The following MAPK9 variants were observed in gnomAD, a reference collection of about 807,000 sequenced individuals.
The protein encoded by MAPK9 is Jun kinase.
Under a neutral mutation model 57.1 loss-of-function variants are expected in MAPK9, and 30 were observed. The ratio of observed to expected loss-of-function variants is 0.53; its 90% CI spans 0.39 to 0.71. The LOEUF (loss-of-function observed/expected upper bound fraction) is 0.71, where lower values mean the gene tolerates loss of function less well. Ranked by LOEUF, MAPK9 falls within the 30% of genes least tolerant of loss-of-function variation. The pLI is 0.00. For missense variants in MAPK9, 362 were observed against 521.0 expected, an observed-to-expected ratio of 0.69 and a Z score of 2.97; for synonymous variants, 155 against 177.0, an observed-to-expected ratio of 0.88 and a Z score of 0.99.
At chr5:180,269,193 G>C in intron 3 of MAPK9, 87 bp downstream of exon 3, 1 of 1,384,820 alleles carries the variant, frequency 7.2e-7, no homozygotes, top group Non-Finnish European at 1.0e-6. Context: ...TCCTAGGTCT[G>C]AACTCAATGT....
chr5:180,238,394 T>C lies in MAPK9; in HGVS notation c.1070A>G (p.Tyr357Cys). 1 of 1,607,500 alleles carries C rather than the reference T, an allele frequency of 6.2e-7. No individual in the cohort carries two copies. The highest frequency in any genetic ancestry group is 8.5e-7 in the Non-Finnish European group (1 of 1,174,214). ...TTCTTCCCAATCCATGACTTCTTTG[T>C]AAATTAGCTCTTTAATAAAAATACA... The part of the protein sequence containing the change: ...HAIEEWKELI[Y>C]KEVMDWEERS... Residue 357 changes from tyrosine to cysteine, a missense_variant, in exon 11 of 12, where the codon TAC (tyrosine) becomes TGC (cysteine). Physicochemically the swap from Tyr to Cys is radical, Grantham distance 194. This residue lies in a region of MAPK9 where 199 missense variants were observed against 251.3 expected (regional missense o/e 0.79). Coordinates refer to ENST00000452135, the MANE Select transcript of MAPK9 (RefSeq NM_002752.5).
rs147914593 is a variant in MAPK9, at chr5:180,255,559, C to T, written c.450+6125G>A. On this transcript the variant is annotated intron_variant, in intron 5 of 11. Transcript: ENST00000452135. ...ACCACCAAGAACACAGAAACTACCC[C>T]CCAAAACAAACAAAAACCTCACACA... 2.7e-3 allele frequency among the ~76,000 whole-genome samples: 410 copies of T among 151,958 alleles called. 2 individuals are homozygous for T. The highest frequency in any genetic ancestry group is 6.8e-3 in the Middle Eastern group (2 of 292).
At chr5:180,289,937 G>T (rs1040052910) in intron 1 of MAPK9, among the ~76,000 whole-genome samples, 1 of 152,140 alleles carries the variant, frequency 6.6e-6, no homozygotes, top group African/African-American at 2.4e-5. Context: ...CTCACTGCAG[G>T]CTCCAAATCC....
intron 1 of MAPK9, among the ~76,000 whole-genome samples, chr5:180,285,091 G>C (rs901445979): frequency 1.3e-5 from 2 of 152,206 alleles, no homozygotes; most frequent in South Asian, 2.1e-4. Flanking sequence ...CACTTGTATG[G>C]AAGACGGGCT....
intron 7 of MAPK9, among the ~76,000 whole-genome samples, chr5:180,244,542 G>A (rs1045192821): frequency 5.9e-5 from 9 of 152,032 alleles, no homozygotes; most frequent in Non-Finnish European, 2.9e-5. Flanking sequence ...TTGGGAGGCC[G>A]AGGCAGGTGG....
At chr5:180,272,377 G>C (rs147567723) in intron 2 of MAPK9, among the ~76,000 whole-genome samples, 14 of 152,326 alleles carry the variant, frequency 9.2e-5, no homozygotes, top group African/African-American at 3.4e-4. Context: ...ACTGAGTGCT[G>C]ACAGTGAGGA....
chr5:180,287,107 A>T (rs1762836518), intron 1 of MAPK9: 1 of 152,236 alleles, frequency 6.6e-6, no homozygotes, highest in South Asian at 2.1e-4. Context: ...CTAGATTAGT[A>T]CTTGCCAGCA....
At chr5:180,286,713 C>T (rs1307417630) in intron 1 of MAPK9, among the ~76,000 whole-genome samples, 3 of 148,202 alleles carry the variant, frequency 2.0e-5, no homozygotes, top group Non-Finnish European at 4.4e-5. Context: ...TGGGTAAGGG[C>T]TTCTCGTGGC....
Position 180,244,767 on chromosome 5 carries a change from C to CTT in MAPK9, c.689-2013_689-2012insAA, listed in dbSNP as rs1757945971. Among the ~76,000 whole-genome samples the CTT allele has an allele frequency of 3.0e-5, 4 of 133,948 alleles. No individual in the cohort carries two copies. The South Asian group carries it at 1.0e-3, about 33-fold the overall frequency. The allele number at this position is 133,948 out of a possible 152,430, so 87.9% of individuals were successfully genotyped here. On this transcript the variant is annotated intron_variant, in intron 7 of 11. Transcript: ENST00000452135. Reference sequence around the variant, plus strand: ...CCAGCCTGGGCAATGGAGTGAGACTCTGTCTCAAAGGAAAAAAAAAAAAAA... The same window carrying CTT: ...CCAGCCTGGGCAATGGAGTGAGACTCTTTGTCTCAAAGGAAAAAAAAAAAAAA...
intron 5 of MAPK9, among the ~76,000 whole-genome samples, chr5:180,261,233 T>C (rs577531559): frequency 2.0e-5 from 3 of 152,188 alleles, no homozygotes; most frequent in Non-Finnish European, 4.4e-5. Context: ...TGTGGGTCAT[T>C]ATTTAAGAAA....
intron 3 of MAPK9, among the ~76,000 whole-genome samples, chr5:180,268,399 A>T (rs1352144576): frequency 1.3e-5 from 2 of 152,222 alleles, no homozygotes; most frequent in African/African-American, 4.8e-5. Context: ...GTTGTTTCTC[A>T]ATTTGTTAGA....
chr5:180,283,261 G>T (rs1190748551), intron 1 of MAPK9, among the ~76,000 whole-genome samples: 1 of 152,184 alleles, frequency 6.6e-6, no homozygotes, highest in East Asian at 1.9e-4. Flanking sequence ...TAAGATGTGG[G>T]TAGAAGTGAT....
intron 5 of MAPK9, among the ~76,000 whole-genome samples, chr5:180,249,981 C>T (rs902754119): frequency 2.0e-5 from 3 of 152,162 alleles, no homozygotes; most frequent in Non-Finnish European, 4.4e-5. Flanking sequence ...TCCCATGGCT[C>T]TTTCTCTCCT....
intron 5 of MAPK9, among the ~76,000 whole-genome samples, chr5:180,259,208 C>T (rs908315504): frequency 1.3e-5 from 2 of 152,092 alleles, no homozygotes; most frequent in African/African-American, 4.8e-5. Context: ...CACCCTTTGA[C>T]TGTAAGGAAT....
rs1757164394 is a variant in MAPK9, at chr5:180,236,266, G to A, written c.*118C>T. Reference sequence around the variant, plus strand: ...TCAGGTCTGAGTAGGGCAAGGCATTGTGTTTCTTACATGCAGAACATGGAG... The same window carrying A: ...TCAGGTCTGAGTAGGGCAAGGCATTATGTTTCTTACATGCAGAACATGGAG... On this transcript the variant is annotated 3_prime_UTR_variant, in exon 12 of 12. Coordinates refer to ENST00000452135, the MANE Select transcript of MAPK9 (RefSeq NM_002752.5). 17 of 1,144,408 alleles carry A rather than the reference G, an allele frequency of 1.5e-5. No individual in the cohort carries two copies. The highest frequency in any genetic ancestry group is 2.0e-5 in the Non-Finnish European group (17 of 829,568). 70.9% of individuals were successfully genotyped at this position (1,144,408 alleles called of 1,614,324 possible). A position where few individuals can be genotyped will look rare whatever the true frequency, so the allele number is the denominator to read the frequency against.
At chr5:180,253,114 C>T (rs569304369) in intron 5 of MAPK9, among the ~76,000 whole-genome samples, 47 of 152,336 alleles carry the variant, frequency 3.1e-4, no homozygotes, top group Middle Eastern at 3.4e-3. Flanking sequence ...CCCACAGAGC[C>T]GTCAGCCAGG....
intron 1 of MAPK9, among the ~76,000 whole-genome samples, chr5:180,280,918 T>A (rs1762262513): frequency 6.6e-6 from 1 of 152,168 alleles, no homozygotes; most frequent in South Asian, 2.1e-4. Context: ...CATCACTCTG[T>A]GCGTCTCATC....
chr5:180,242,809 T>C (rs1012780462), intron 7 of MAPK9, 54 bp from the exon 8 acceptor site: 1 of 1,372,534 alleles, frequency 7.3e-7, no homozygotes, highest in Non-Finnish European at 1.0e-6. Flanking sequence ...TCACAGTACA[T>C]GCGGCAGCAT....
chr5:180,249,157 A>T lies in MAPK9; in HGVS notation c.451-19T>A. On this transcript the variant is annotated intron_variant, in intron 5 of 11. Transcript: ENST00000452135. ...TCAAATCCTAGGAAAGAAATGGCTT[A>T]AATTAGTAAAATGAATGAAGCATGC... The T allele has an allele frequency of 6.3e-7, 1 of 1,596,292 alleles. No individual in the cohort carries two copies. The highest frequency in any genetic ancestry group is 8.5e-7 in the Non-Finnish European group (1 of 1,169,754).
Sources: gnomAD v4.1 joint callset for allele counts (sites outside exome capture counted in the v4.1 genomes callset) on GRCh38, gnomAD v4.1.1 for gene constraint, gnomAD v4.1.1 regional missense constraint, MANE v1.5 for transcripts, NCBI Gene and HGNC (gene_info 2026-07-23, HGNC 2026-07-21) for gene names.